Variants in PTGER2 observed in about 807,000 individuals in gnomAD.
PTGER2 encodes the protein prostaglandin E receptor 2, also known as prostaglandin E2 receptor EP2 subtype.
PTGER2 carries 22 observed loss-of-function variants against 26.2 expected under a neutral mutation model. The observed-to-expected ratio is 0.84, with a 90% CI of 0.60 to 1.20. The LOEUF (loss-of-function observed/expected upper bound fraction) is 1.20, where lower values mean the gene tolerates loss of function less well. Ranked by LOEUF, PTGER2 falls within the 50% of genes most tolerant of loss-of-function variation. PTGER2 has a pLI of 0.00. For synonymous variants in PTGER2, 219 were observed against 208.9 expected (o/e 1.05, Z -0.42); for missense variants, 458 against 475.2 (o/e 0.96, Z 0.34).
At chr14:52,318,410 TTTTA>T (rs1180500941) in intron 1 of PTGER2, among the ~76,000 whole-genome samples, 1 of 152,244 alleles carries the variant, frequency 6.6e-6, no homozygotes. Flanking sequence ...GAATTACATA[TTTTA>T]TTTAACCCAA....
At chr14:52,315,448 C>A in intron 1 of PTGER2, 57 bp downstream of exon 1, 1 of 1,592,238 alleles carries the variant, frequency 6.3e-7, no homozygotes. Flanking sequence ...TCATGCTCTC[C>A]CCTGACGCCT....
chr14:52,325,151 G>A (rs143396490), intron 1 of PTGER2, among the ~76,000 whole-genome samples: 7 of 151,830 alleles, frequency 4.6e-5, no homozygotes, highest in East Asian at 3.9e-4. Flanking sequence ...AAAAAAAGCC[G>A]TCTTCTACAA....
In PTGER2 at chr14:52,327,655, T is replaced by C; in HGVS notation, c.*201T>C. On this transcript the variant is annotated 3_prime_UTR_variant, in exon 2 of 2. Coordinates refer to ENST00000245457, the MANE Select transcript of PTGER2 (RefSeq NM_000956.4). ...AAGTGTCAGAAGGAGCTACAAAACC[T>C]ACCCTCAGTGAGCATGGTACTTGGC... is the stretch of plus-strand genomic sequence containing the variant. 1.9e-6 allele frequency: 1 copy of C among 534,526 alleles called. No individual in the cohort carries two copies. Among genetic ancestry groups the C allele is most frequent in the Non-Finnish European group, 3.3e-6 (1 of 304,832 alleles). The allele number at this position is 534,526 out of a possible 1,614,324, so 33.1% of individuals were successfully genotyped here.
chr14:52,314,789 G>A lies in PTGER2; in HGVS notation c.241G>A (p.Gly81Arg). 2 of 1,612,142 alleles carry A rather than the reference G, an allele frequency of 1.2e-6. No individual in the cohort carries two copies. The highest frequency in any genetic ancestry group is 1.7e-6 in the Non-Finnish European group (2 of 1,179,262). The change falls in exon 1 of 2, where the codon GGG becomes AGG. Residue 81 changes from glycine (G) to arginine (R), a missense_variant. Coordinates refer to ENST00000245457, the MANE Select transcript of PTGER2 (RefSeq NM_000956.4). This position sits in a 1 kb window ranked among gnomAD's most constrained non-coding sequence, Gnocchi z 5.7. ...CGAGCTGGTGTTCACCGACCTGCTCGGGACCTGCCTCATCAGCCCAGTGGT... is the reference window on the plus strand; with the variant it reads ...CGAGCTGGTGTTCACCGACCTGCTCAGGACCTGCCTCATCAGCCCAGTGGT... ...VTELVFTDLL[G>R]TCLISPVVLA...
At chr14:52,319,231 G>C (rs2033871088) in intron 1 of PTGER2, among the ~76,000 whole-genome samples, 1 of 152,152 alleles carries the variant, frequency 6.6e-6, no homozygotes, top group South Asian at 2.1e-4. Context: ...TTTTCTTCAT[G>C]TCAGCTCAAG....
intron 1 of PTGER2, among the ~76,000 whole-genome samples, chr14:52,320,075 A>G (rs1425944034): frequency 1.3e-5 from 2 of 152,246 alleles, no homozygotes; most frequent in African/African-American, 4.8e-5. Flanking sequence ...AACTCCAGAC[A>G]TCTCTACGTA....
In PTGER2 at chr14:52,326,413, T is replaced by A. The variant is rs45600732; in HGVS notation, c.844-808T>A. Among the ~76,000 whole-genome samples, 3 of 152,238 alleles carry A rather than the reference T, an allele frequency of 2.0e-5. No homozygotes were observed. The South Asian group carries it at 6.2e-4, about 32-fold the overall frequency. On this transcript the variant is annotated intron_variant, in intron 1 of 1. Transcript: ENST00000245457. The stretch of plus-strand genomic sequence containing the variant: ...ATTTGTAAAATGGATATAATAACAA[T>A]GAACACTGTGGAGCACTTAGGATGT...
intron 1 of PTGER2, among the ~76,000 whole-genome samples, chr14:52,318,403 T>G (rs1445099749): frequency 6.6e-6 from 1 of 152,234 alleles, no homozygotes; most frequent in East Asian, 1.9e-4. Context: ...ATTAATTGAA[T>G]TACATATTTT....
At chr14:52,317,870 T>C (rs186736516) in intron 1 of PTGER2, among the ~76,000 whole-genome samples, 11 of 152,336 alleles carry the variant, frequency 7.2e-5, no homozygotes, top group Admixed American at 5.9e-4. Context: ...ATTGGAAGCA[T>C]TGTCACCTCT....
At chr14:52,321,569 A>G (rs895669339) in intron 1 of PTGER2, among the ~76,000 whole-genome samples, 1 of 152,230 alleles carries the variant, frequency 6.6e-6, no homozygotes, top group African/African-American at 2.4e-5. Flanking sequence ...GGCTTTTTAT[A>G]TAGATGGCAG....
intron 1 of PTGER2, among the ~76,000 whole-genome samples, chr14:52,326,783 G>A (rs542127150): frequency 1.3e-5 from 2 of 152,308 alleles, no homozygotes; most frequent in East Asian, 3.9e-4. Flanking sequence ...CTAAGTTTCA[G>A]AGTTTCTATA....
chr14:52,324,910 A>C (rs531562281), intron 1 of PTGER2, among the ~76,000 whole-genome samples: 9 of 152,290 alleles, frequency 5.9e-5, no homozygotes, highest in Non-Finnish European at 1.2e-4. Flanking sequence ...AGGCCAAGGC[A>C]GGCAGATCAC....
Position 52,327,651 on chromosome 14 carries a change from A to G in PTGER2, c.*197A>G. On this transcript the variant is annotated 3_prime_UTR_variant, in exon 2 of 2. Coordinates refer to ENST00000245457, the MANE Select transcript of PTGER2 (RefSeq NM_000956.4). ...TGTAAAGTGTCAGAAGGAGCTACAA[A>G]ACCTACCCTCAGTGAGCATGGTACT... 1 of 542,520 alleles carries G rather than the reference A, an allele frequency of 1.8e-6. No individual in the cohort carries two copies. Among genetic ancestry groups the G allele is most frequent in the Non-Finnish European group, 3.2e-6 (1 of 310,608 alleles). 33.6% of individuals were successfully genotyped at this position (542,520 alleles called of 1,614,324 possible).
At position 52,315,061 on chromosome 14, in the gene PTGER2, G is replaced by A. The variant is rs2033821699; in HGVS notation, c.513G>A (p.Pro171=). The stretch of plus-strand genomic sequence containing the variant: ...TCTCCCTGCTCTTCTGCTCGCTGCC[G>A]CTGCTGGACTATGGGCAGTACGTCC... ...YAVSLLFCSL[P]LLDYGQYVQY... is the part of the protein sequence containing the mutation. Residue 171 remains proline, a synonymous_variant, in exon 1 of 2, where the codon CCG becomes CCA. Coordinates refer to ENST00000245457, the MANE Select transcript of PTGER2 (RefSeq NM_000956.4). 6.2e-7 allele frequency: 1 copy of A among 1,612,482 alleles called. No homozygotes were observed. Among genetic ancestry groups the A allele is most frequent in the Non-Finnish European group, 8.5e-7 (1 of 1,179,946 alleles).
intron 1 of PTGER2, among the ~76,000 whole-genome samples, chr14:52,319,842 C>T (rs2033878008): frequency 6.6e-6 from 1 of 152,132 alleles, no homozygotes; most frequent in African/African-American, 2.4e-5. Flanking sequence ...AAAAGTTCTC[C>T]ATCTTTAGAA....
Position 52,314,629 on chromosome 14 carries a change from C to T in PTGER2, c.81C>T (p.Ile27=). 2.6e-6 allele frequency: 4 copies of T among 1,512,554 alleles called. No individual in the cohort carries two copies. Among genetic ancestry groups the T allele is most frequent in the Non-Finnish European group, 3.5e-6 (4 of 1,130,126 alleles). The allele number at this position is 1,512,554 out of a possible 1,614,324, so 93.7% of individuals were successfully genotyped here. Residue 27 remains isoleucine (I), a synonymous_variant, in exon 1 of 2, where the codon ATC becomes ATT. Coordinates refer to ENST00000245457, the MANE Select transcript of PTGER2 (RefSeq NM_000956.4). This position sits in a 1 kb window ranked among gnomAD's most constrained non-coding sequence, Gnocchi z 5.7. ...TTCCCCCAGGCGAAAGCCCAGCCATCAGCTCCGTCATGTTCTCGGCCGGGG... is the reference window on the plus strand; with the variant it reads ...TTCCCCCAGGCGAAAGCCCAGCCATTAGCTCCGTCATGTTCTCGGCCGGGG... The part of the protein sequence containing the change: ...QWLPPGESPA[I]SSVMFSAGVL...
chr14:52,327,136 A>T, intron 1 of PTGER2, 85 bp from the exon 2 acceptor site: 1 of 1,023,698 alleles, frequency 9.8e-7, no homozygotes. Flanking sequence ...TTTTGCTTTT[A>T]AATCTCAAGA....
chr14:52,323,908 G>C (rs530278542), intron 1 of PTGER2, among the ~76,000 whole-genome samples: 1 of 152,318 alleles, frequency 6.6e-6, no homozygotes, highest in South Asian at 2.1e-4. Flanking sequence ...CACACAAAAA[G>C]ATGGATAACT....
intron 1 of PTGER2, among the ~76,000 whole-genome samples, chr14:52,320,796 T>C (rs2033886667): frequency 6.6e-6 from 1 of 152,170 alleles, no homozygotes; most frequent in Admixed American, 6.5e-5. Flanking sequence ...CCTAAGAACC[T>C]TGCAGCTGGG....
Sources: gnomAD v4.1 joint callset for allele counts (sites outside exome capture counted in the v4.1 genomes callset) on GRCh38, gnomAD v4.1.1 for gene constraint, Gnocchi (gnomAD v3.1) non-coding constraint, MANE v1.5 for transcripts, NCBI Gene and HGNC (gene_info 2026-07-23, HGNC 2026-07-21) for gene names.